The following PCDH7 variants were observed in gnomAD, a reference collection of about 807,000 sequenced individuals.
PCDH7 encodes protocadherin 7.
PCDH7 carries 17 observed loss-of-function variants against 58.9 expected under a neutral mutation model. That is an observed-to-expected ratio of 0.29 (90% CI 0.20 to 0.43). The LOEUF (loss-of-function observed/expected upper bound fraction) is 0.43, where lower values mean the gene tolerates loss of function less well. Ranked by LOEUF, PCDH7 falls within the 20% of genes least tolerant of loss-of-function variation. The pLI, the probability that PCDH7 is intolerant of heterozygous loss-of-function variation, is 1.00. For synonymous variants in PCDH7, 664 were observed against 616.4 expected, an observed-to-expected ratio of 1.08 and a Z score of -1.14; for missense variants, 1,274 against 1,441.0, an observed-to-expected ratio of 0.88 and a Z score of 1.88.
At chr4:30,786,881 C>T (rs1723469153) in intron 1 of PCDH7, 1 of 342,900 alleles carries the variant, frequency 2.9e-6, no homozygotes. Context: ...GAAATCGATT[C>T]CCAAGGGGCA....
chr4:30,723,789 C>A lies in PCDH7; in HGVS notation c.2367C>A (p.Phe789Leu). 8.7e-6 allele frequency: 14 copies of A among 1,614,138 alleles called. No individual in the cohort carries two copies. The highest frequency in any genetic ancestry group is 1.2e-5 in the Non-Finnish European group (14 of 1,180,012). Reference sequence around the variant, plus strand: ...ACAGCATTGTGGGAGGAAATCCCTTCAAGCTGTTTGAAATTGATCCCACTA... The same window carrying A: ...ACAGCATTGTGGGAGGAAATCCCTTAAAGCTGTTTGAAATTGATCCCACTA... Residue 789 changes from phenylalanine (F) to leucine (L), a missense_variant, in exon 1 of 2, where the codon TTC becomes TTA. Around this residue, in one of 3 missense-constraint regions of PCDH7, gnomAD observed 731 missense variants for 881.9 expected, o/e 0.83. Transcript: ENST00000361762. The surrounding 1 kb of genome is among the most constrained non-coding windows in gnomAD (Gnocchi z 4.6).
In PCDH7 at chr4:30,723,578, A is replaced by G; in HGVS notation, c.2156A>G (p.Asp719Gly). 1 of 1,614,118 alleles carries G rather than the reference A, an allele frequency of 6.2e-7. No homozygotes were observed. Among genetic ancestry groups the G allele is most frequent in the Non-Finnish European group, 8.5e-7 (1 of 1,180,004 alleles). ...AGAGTCAAGGCTGTGGATGGGGGAG[A>G]TCCTCCCAGATCTGCCACAGCTACA... Residue 719 changes from aspartate (D) to glycine (G), a missense_variant, in exon 1 of 2, where the codon GAT becomes GGT. Transcript: ENST00000361762. The surrounding 1 kb of genome is among the most constrained non-coding windows in gnomAD (Gnocchi z 4.6).
chr4:30,999,616 G>T (rs901024973), intron 3 of PCDH7, among the ~76,000 whole-genome samples: 4 of 151,984 alleles, frequency 2.6e-5, no homozygotes, highest in Non-Finnish European at 4.4e-5. Context: ...ATGAGCAAGG[G>T]CCTTTTGTAA....
Position 30,810,758 on chromosome 4 carries a change from C to T in PCDH7, c.70+86162C>T, listed in dbSNP as rs181370332. On this transcript the variant is annotated intron_variant, in intron 1 of 3. Transcript: ENST00000509759. ...CCCAAGTAGCTGGGATTACAGGAAC[C>T]CACCACCACACCCGGCTAATTTTTG... 5.6e-3 allele frequency among the ~76,000 whole-genome samples: 853 copies of T among 151,910 alleles called. 4 individuals carry two copies. The highest frequency in any genetic ancestry group is 9.1e-3 in the Admixed American group (139 of 15,254).
intron 3 of PCDH7, among the ~76,000 whole-genome samples, chr4:31,063,949 A>G (rs1052907768): frequency 6.6e-6 from 1 of 151,946 alleles, no homozygotes; most frequent in African/African-American, 2.4e-5. Flanking sequence ...AGTCAACCCA[A>G]TTCGATCTGA....
At chr4:31,110,988 C>T (rs1299165192) in intron 3 of PCDH7, among the ~76,000 whole-genome samples, 1 of 150,932 alleles carries the variant, frequency 6.6e-6, no homozygotes, top group Non-Finnish European at 1.5e-5. Flanking sequence ...TAATGTAGGA[C>T]ATTTTGCTAC....
At chr4:31,005,521 TG>T (rs1183590360) in intron 3 of PCDH7, among the ~76,000 whole-genome samples, 2 of 152,154 alleles carry the variant, frequency 1.3e-5, no homozygotes, top group South Asian at 4.1e-4. Flanking sequence ...AAGATAAAAT[TG>T]GGAAGTAATG....
At chr4:31,043,007 A>G (rs1473995503) in intron 3 of PCDH7, among the ~76,000 whole-genome samples, 1 of 152,136 alleles carries the variant, frequency 6.6e-6, no homozygotes, top group Non-Finnish European at 1.5e-5. Flanking sequence ...ACTAGCCTAT[A>G]TAATGGCCCA....
rs1730374009 is a variant in PCDH7 at position 30,835,483 on chromosome 4, C to T, written c.71-84670C>T. 2.0e-5 allele frequency among the ~76,000 whole-genome samples: 3 copies of T among 152,128 alleles called. No individual in the cohort carries two copies. The South Asian group carries it at 6.2e-4, about 32-fold the overall frequency. ...TCATCCAAAAGCCATCTCCCACCCA[C>T]CAGCCTTCGTTCGAGGAAAAATTGT... On this transcript the variant is annotated intron_variant, in intron 1 of 3. Coordinates refer to the PCDH7 transcript ENST00000509759.
At chr4:30,797,224 C>T (rs1339203121) in intron 1 of PCDH7, among the ~76,000 whole-genome samples, 1 of 151,906 alleles carries the variant, frequency 6.6e-6, no homozygotes, top group Non-Finnish European at 1.5e-5. Flanking sequence ...GCGTTAGCCA[C>T]CAGGCCCGAC....
chr4:30,901,084 T>A (rs562889642), intron 1 of PCDH7, among the ~76,000 whole-genome samples: 1 of 152,286 alleles, frequency 6.6e-6, no homozygotes, highest in African/African-American at 2.4e-5. Context: ...AATTACAAAT[T>A]ACTTTTACTA....
chr4:30,908,340 A>G (rs1337060089), intron 1 of PCDH7, among the ~76,000 whole-genome samples: 3 of 152,126 alleles, frequency 2.0e-5, no homozygotes, highest in Non-Finnish European at 4.4e-5. Context: ...TGCAATGAAG[A>G]AAAAAGTGAA....
chr4:30,776,902 T>G (rs1033783311), intron 1 of PCDH7, among the ~76,000 whole-genome samples: 1 of 150,820 alleles, frequency 6.6e-6, no homozygotes, highest in Non-Finnish European at 1.5e-5. Context: ...GGAGAGAGAG[T>G]TTCAGTTAAG....
chr4:30,882,606 G>A lies in PCDH7; in HGVS notation c.71-37547G>A, dbSNP rs902023699. On this transcript the variant is annotated intron_variant, in intron 1 of 3. Transcript: ENST00000509759. ...TGTTAAATACAAGGTTATTTTCTTC[G>A]TACCAGTTGGTAAAATAAATACAAT... Among the ~76,000 whole-genome samples the A allele has an allele frequency of 3.9e-5, 6 of 152,168 alleles. No individual in the cohort carries two copies. The East Asian group carries it at 5.8e-4, about 15-fold the overall frequency.
At chr4:31,094,972 T>C (rs914914774) in intron 3 of PCDH7, among the ~76,000 whole-genome samples, 7 of 152,096 alleles carry the variant, frequency 4.6e-5, no homozygotes, top group African/African-American at 1.7e-4. Context: ...GCCCAACTGG[T>C]AATCTTTTTA....
chr4:30,927,250 A>G (rs1184544520), intron 2 of PCDH7, among the ~76,000 whole-genome samples: 1 of 152,148 alleles, frequency 6.6e-6, no homozygotes, highest in African/African-American at 2.4e-5. Context: ...CTTATAGATT[A>G]CATATAATTC....
intron 3 of PCDH7, among the ~76,000 whole-genome samples, chr4:31,008,136 G>A (rs1752922886): frequency 6.6e-6 from 1 of 151,994 alleles, no homozygotes; most frequent in African/African-American, 2.4e-5. Flanking sequence ...AGCAGCTGGA[G>A]AGGAGAAAAG....
intron 1 of PCDH7, among the ~76,000 whole-genome samples, chr4:30,802,738 AG>A (rs967230063): frequency 3.4e-4 from 52 of 152,014 alleles, no homozygotes; most frequent in African/African-American, 1.2e-3. Context: ...GGATCTGAGG[AG>A]GGTGTGGTGG....
At chr4:30,874,275 G>A (rs556939167) in intron 1 of PCDH7, among the ~76,000 whole-genome samples, 1 of 152,038 alleles carries the variant, frequency 6.6e-6, no homozygotes, top group Non-Finnish European at 1.5e-5. Context: ...ATTCACAATA[G>A]CAAAGACTTG....
Sources: gnomAD v4.1 joint callset for allele counts (sites outside exome capture counted in the v4.1 genomes callset) on GRCh38, gnomAD v4.1.1 for gene constraint, gnomAD v4.1.1 regional missense constraint, Gnocchi (gnomAD v3.1) non-coding constraint, MANE v1.5 for transcripts, NCBI Gene and HGNC (gene_info 2026-07-23, HGNC 2026-07-21) for gene names.